Variants in RIF1 observed in about 807,000 individuals in gnomAD.
RIF1 encodes the protein replication timing regulatory factor 1.
RIF1 carries 45 observed loss-of-function variants against 247.1 expected under a neutral mutation model. The ratio of observed to expected loss-of-function variants is 0.18; its 90% confidence interval spans 0.14 to 0.23. The LOEUF is 0.23. Among genes scored for constraint, RIF1 ranks in the 10% least tolerant of loss-of-function variants. The pLI, the probability that RIF1 is intolerant of heterozygous loss-of-function variation, is 1.00. For synonymous variants in RIF1, 1,087 were observed against 978.8 expected, an observed-to-expected ratio of 1.11 and a Z score of -2.06; for missense variants, 2,967 against 2,862.5, an observed-to-expected ratio of 1.04 and a Z score of -0.83.
the RIF1 span, among the ~76,000 whole-genome samples, chr2:151,527,223 CCA>C: frequency 1.3e-5 from 2 of 151,286 alleles, no homozygotes; most frequent in Non-Finnish European, 3.0e-5. Context: ...CCCTCCATCC[CCA>C]GTCTTCCCCC....
intron 21 of RIF1, 100 bp downstream of exon 21, chr2:151,451,805 AACTTTTGATCTTGT>A: frequency 1.5e-6 from 1 of 649,980 alleles, no homozygotes; most frequent in Non-Finnish European, 2.8e-6. Flanking sequence ...TCATTTTACT[AACTTTTGATCTTGT>A]TTAACCATGT....
At chr2:151,442,813 G>T (rs188626579) in intron 16 of RIF1, among the ~76,000 whole-genome samples, 3 of 135,348 alleles carry the variant, frequency 2.2e-5, no homozygotes, top group South Asian at 4.7e-4. Context: ...AGGCTGTTGC[G>T]CAGTCTGGAG....
intron 9 of RIF1, among the ~76,000 whole-genome samples, chr2:151,489,448 G>A (rs920718596): frequency 1.1e-4 from 16 of 152,152 alleles, no homozygotes; most frequent in African/African-American, 3.1e-4. Context: ...ATCCAGGCTG[G>A]AGTACAGTGG....
chr2:151,410,878 G>A (rs1304151431), intron 2 of RIF1, among the ~76,000 whole-genome samples: 2 of 151,932 alleles, frequency 1.3e-5, no homozygotes, highest in African/African-American at 4.8e-5. Flanking sequence ...TTTTTTAACA[G>A]AGCAATACAC....
intron 10 of RIF1, among the ~76,000 whole-genome samples, chr2:151,433,482 T>G (rs1339723738): frequency 6.6e-6 from 1 of 152,064 alleles, no homozygotes; most frequent in Non-Finnish European, 1.5e-5. Flanking sequence ...TGAGATGGAG[T>G]CTTGTTCTGT....
At position 151,472,085 on chromosome 2, in the gene RIF1, C is replaced by T. The variant is rs572208722; in HGVS notation, c.7096-1879C>T. Among the ~76,000 whole-genome samples the T allele has an allele frequency of 4.9e-4, 75 of 152,236 alleles. 1 individual carries two copies. The highest frequency in any genetic ancestry group is 2.3e-3 in the East Asian group (12 of 5,186). ...TAGTTCTCCTTGAAGAGGTCCTTCACGTCCCTTGTAAGTTGGATTCCTAGG... is the reference window on the plus strand; with the variant it reads ...TAGTTCTCCTTGAAGAGGTCCTTCATGTCCCTTGTAAGTTGGATTCCTAGG... On this transcript the variant is annotated intron_variant, in intron 34 of 35. Coordinates refer to ENST00000444746, the MANE Select transcript of RIF1 (RefSeq NM_018151.5).
At chr2:151,432,307 GCCCTT>G (rs1194551554) in intron 9 of RIF1, among the ~76,000 whole-genome samples, 15 of 152,162 alleles carry the variant, frequency 9.9e-5, no homozygotes, top group African/African-American at 3.6e-4. Context: ...ACCACGCCCA[GCCCTT>G]TTAAGGTCTT....
chr2:151,455,935 A>G (rs1574086881), intron 22 of RIF1, among the ~76,000 whole-genome samples: 2 of 152,310 alleles, frequency 1.3e-5, no homozygotes, highest in South Asian at 2.1e-4. Context: ...TCTCCCTCAT[A>G]ACAATTGAAC....
chr2:151,502,908 C>A (rs2065835277), intron 11 of RIF1: 5 of 1,420,708 alleles, frequency 3.5e-6, no homozygotes, highest in South Asian at 1.2e-5. Context: ...AGAAAGTACC[C>A]AGAGGACATT....
chr2:151,507,528 G>A (rs1350506279), intron 13 of RIF1, among the ~76,000 whole-genome samples: 2 of 152,196 alleles, frequency 1.3e-5, no homozygotes, highest in African/African-American at 4.8e-5. Context: ...AAGACACAGA[G>A]ATACTAGGAG....
chr2:151,490,735 T>C (rs1410079664), intron 9 of RIF1, among the ~76,000 whole-genome samples: 1 of 152,206 alleles, frequency 6.6e-6, no homozygotes, highest in Non-Finnish European at 1.5e-5. Context: ...ATGGAACAGT[T>C]AAGTTGTACA....
the RIF1 span, among the ~76,000 whole-genome samples, chr2:151,516,733 G>C: frequency 1.3e-5 from 2 of 152,142 alleles, no homozygotes; most frequent in African/African-American, 4.8e-5. Flanking sequence ...TTGTTGTCTA[G>C]GTGTTGAGGG....
chr2:151,463,459 T>A lies in RIF1; in HGVS notation c.3939T>A (p.Asn1313Lys). 1 of 1,613,960 alleles carries A rather than the reference T, an allele frequency of 6.2e-7. No homozygotes were observed. Among genetic ancestry groups the A allele is most frequent in the Non-Finnish European group, 8.5e-7 (1 of 1,179,944 alleles). The change falls in exon 30 of 36, where the codon AAT becomes AAA. Residue 1313 changes from asparagine (N) to lysine (K), a missense_variant. This residue lies in a region of RIF1 where 2,028 missense variants were observed against 1,825.6 expected (regional missense o/e 1.11). Transcript: ENST00000444746. ...KPLMRSEPEK[N>K]TEESVEGIVV... Reference sequence around the variant, plus strand: ...TAATGAGATCTGAGCCGGAGAAAAATACTGAGGAATCTGTTGAAGGCATTG... The same window carrying A: ...TAATGAGATCTGAGCCGGAGAAAAAAACTGAGGAATCTGTTGAAGGCATTG...
intron 11 of RIF1, among the ~76,000 whole-genome samples, chr2:151,499,911 TG>T (rs1261122969): frequency 2.6e-5 from 4 of 152,196 alleles, no homozygotes; most frequent in African/African-American, 9.6e-5. Context: ...TATGCACCAC[TG>T]GGCAATTTTG....
At chr2:151,449,410 C>T (rs1432694741) in intron 20 of RIF1, among the ~76,000 whole-genome samples, 1 of 152,096 alleles carries the variant, frequency 6.6e-6, no homozygotes, top group Non-Finnish European at 1.5e-5. Flanking sequence ...AATGCCATAT[C>T]TACAGTTGTA....
chr2:151,434,437 A>ATT (rs754795986), intron 10 of RIF1, among the ~76,000 whole-genome samples: 1,784 of 106,996 alleles, frequency 0.017, 135 homozygotes, highest in African/African-American at 0.059. Flanking sequence ...TGGTTTTTGA[A>ATT]TTTTTTTTTT....
intron 10 of RIF1, among the ~76,000 whole-genome samples, chr2:151,435,235 C>T (rs768787386): frequency 6.6e-6 from 1 of 152,080 alleles, no homozygotes; most frequent in Non-Finnish European, 1.5e-5. Context: ...GTGTACAGTT[C>T]AGATGTTGAT....
Position 151,410,541 on chromosome 2 carries a change from C to T in RIF1, c.104+14C>T, listed in dbSNP as rs994777252. On this transcript the variant is annotated intron_variant, in intron 2 of 35. Coordinates refer to ENST00000444746, the MANE Select transcript of RIF1 (RefSeq NM_018151.5). The stretch of plus-strand genomic sequence containing the variant: ...GACTCTGACCAGGTGAGGTCCGCCA[C>T]GGGGCGTAGCGGAGAGTGGGGCGCT... The T allele has an allele frequency of 3.5e-5, 56 of 1,603,998 alleles. No individual in the cohort carries two copies. The highest frequency in any genetic ancestry group is 4.3e-5 in the Non-Finnish European group (50 of 1,171,666).
In RIF1 at chr2:151,439,972, C is replaced by CAAAAAAAAAAAAA. The variant is rs1165450117; in HGVS notation, c.1547-44_1547-32dup. The CAAAAAAAAAAAAA allele has an allele frequency of 1.2e-4, 32 of 276,662 alleles. 1 individual carries two copies. The highest frequency in any genetic ancestry group is 1.8e-4 in the Non-Finnish European group (30 of 162,498). The allele number at this position is 276,662 out of a possible 1,614,324, so 17.1% of individuals were successfully genotyped here. ...TGGGTGACAGAGCAAGACCCTGTCT[C>CAAAAAAAAAAAAA]AAAAAAAAAAAAAAAAAAAAAAAGA... On this transcript the variant is annotated intron_variant, in intron 14 of 35. Coordinates refer to ENST00000444746, the MANE Select transcript of RIF1 (RefSeq NM_018151.5).
Sources: allele counts gnomAD v4.1 joint callset (sites outside exome capture counted in the v4.1 genomes callset), GRCh38; gene constraint gnomAD v4.1.1; regional missense constraint gnomAD v4.1.1; transcripts MANE v1.5; gene names NCBI Gene and HGNC (gene_info 2026-07-23, HGNC 2026-07-21).